The following UBR2 variants were observed in gnomAD, a reference collection of about 807,000 sequenced individuals.
The protein encoded by UBR2 is ubiquitin protein ligase E3 component n-recognin 2, also known as E3 ubiquitin-protein ligase UBR2.
A neutral mutation model predicts 247.9 loss-of-function variants in UBR2; 92 were observed. The ratio of observed to expected loss-of-function variants is 0.37; its 90% confidence interval spans 0.31 to 0.44. The LOEUF is 0.44. Among genes scored for constraint, UBR2 ranks in the 20% least tolerant of loss-of-function variants. The pLI is 1.00. For synonymous variants in UBR2, 672 were observed against 693.5 expected, an observed-to-expected ratio of 0.97 and a Z score of 0.49; for missense variants, 1,613 against 2,112.6, an observed-to-expected ratio of 0.76 and a Z score of 4.64.
intron 11 of UBR2, among the ~76,000 whole-genome samples, chr6:42,625,313 A>G (rs1333567605): frequency 6.6e-6 from 1 of 152,110 alleles, no homozygotes; most frequent in Non-Finnish European, 1.5e-5. Context: ...TAAATTTCCA[A>G]TTACATTGAT....
At chr6:42,665,162 C>T (rs1798034625) in intron 32 of UBR2, among the ~76,000 whole-genome samples, 1 of 152,096 alleles carries the variant, frequency 6.6e-6, no homozygotes, top group South Asian at 2.1e-4. Context: ...TTAAGAAATT[C>T]TAGCAAATTC....
chr6:42,597,270 C>A (rs965648099), intron 4 of UBR2, among the ~76,000 whole-genome samples: 1 of 152,098 alleles, frequency 6.6e-6, no homozygotes. Flanking sequence ...AAGAATAAAG[C>A]CTTCCAAACT....
In UBR2 at chr6:42,635,426, T is replaced by G; in HGVS notation, c.1554T>G (p.Asp518Glu). The part of the protein sequence containing the change: ...LELLKCMQGM[D>E]PITRQVGQHI... ...TTTTCACTTCCGTTAAGGGAATGGA[T>G]CCAATTACACGTCAAGTAGGACAAC... The change falls in exon 14 of 47, where the codon GAT (aspartate) becomes GAG (glutamate). Residue 518 changes from aspartate (D) to glutamate (E), a missense_variant. By Grantham distance (45) the Asp-to-Glu change is conservative. Around this residue, in one of 3 missense-constraint regions of UBR2, gnomAD observed 1,524 missense variants for 1,967.3 expected, o/e 0.77. Coordinates refer to ENST00000372901, the MANE Select transcript of UBR2 (RefSeq NM_001363705.2). The G allele has an allele frequency of 1.9e-6, 3 of 1,613,464 alleles. No homozygotes were observed. The highest frequency in any genetic ancestry group is 2.5e-6 in the Non-Finnish European group (3 of 1,179,638).
intron 26 of UBR2, 49 bp from the exon 27 acceptor site, chr6:42,657,974 AC>A (rs1562367802): frequency 2.2e-6 from 3 of 1,363,024 alleles, no homozygotes; most frequent in East Asian, 4.6e-5. Context: ...AGGAATAAGT[AC>A]TATGAAGTAT....
intron 15 of UBR2, among the ~76,000 whole-genome samples, chr6:42,638,540 A>G (rs1479367084): frequency 6.6e-6 from 1 of 152,218 alleles, no homozygotes; most frequent in African/African-American, 2.4e-5. Context: ...GAATGAAATC[A>G]TGATCGTAAG....
At chr6:42,657,391 A>AGTAT (rs1162524025) in intron 26 of UBR2, among the ~76,000 whole-genome samples, 4 of 152,296 alleles carry the variant, frequency 2.6e-5, no homozygotes, top group South Asian at 2.1e-4. Flanking sequence ...CCTTATCTAG[A>AGTAT]GTCACATCTC....
chr6:42,678,480 T>G lies in UBR2; in HGVS notation c.4479-59T>G, dbSNP rs1031017953. The G allele has an allele frequency of 1.4e-5, 22 of 1,561,622 alleles. No individual in the cohort carries two copies. In the African/African-American group the frequency reaches 3.0e-4, roughly 22 times the overall value. Reference sequence around the variant, plus strand: ...ATGACAGTCAAGTCTGTTTTCACACTATAAGTACAGTGACCTTTTCTTAGT... The same window carrying G: ...ATGACAGTCAAGTCTGTTTTCACACGATAAGTACAGTGACCTTTTCTTAGT... On this transcript the variant is annotated intron_variant, in intron 40 of 46. Coordinates refer to ENST00000372901, the MANE Select transcript of UBR2 (RefSeq NM_001363705.2).
chr6:42,621,927 G>A (rs1393594687), intron 11 of UBR2, among the ~76,000 whole-genome samples: 1 of 152,128 alleles, frequency 6.6e-6, no homozygotes, highest in Non-Finnish European at 1.5e-5. Flanking sequence ...CTTCTGCCCT[G>A]TGAACTTGAT....
intron 25 of UBR2, among the ~76,000 whole-genome samples, chr6:42,653,107 G>A (rs1457141589): frequency 6.6e-6 from 1 of 152,108 alleles, no homozygotes; most frequent in Non-Finnish European, 1.5e-5. Flanking sequence ...TTTGAGACAG[G>A]ATCTAGCTTT....
At chr6:42,684,590 A>C (rs961412684) in intron 43 of UBR2, among the ~76,000 whole-genome samples, 2 of 151,914 alleles carry the variant, frequency 1.3e-5, no homozygotes, top group Non-Finnish European at 2.9e-5. Context: ...CTCAAAAAAA[A>C]AACAAAAAAC....
intron 8 of UBR2, among the ~76,000 whole-genome samples, chr6:42,614,200 A>T (rs1233075611): frequency 0.027 from 1,318 of 48,632 alleles, 118 homozygotes; most frequent in Non-Finnish European, 0.038. Context: ...AAAAAAAAAA[A>T]AAAAACTATA....
At position 42,619,946 on chromosome 6, in the gene UBR2, A is replaced by G. The variant is rs999325762; in HGVS notation, c.1281+2439A>G. On this transcript the variant is annotated intron_variant, in intron 11 of 46. Coordinates refer to ENST00000372901, the MANE Select transcript of UBR2 (RefSeq NM_001363705.2). ...TTTTTGATGCTGTAGTAAACTTTTT[A>G]TATTTTTGATGCTGTAGTAAACTTT... The G allele has an allele frequency of 2.7e-5, 24 of 883,256 alleles. No homozygotes were observed. The African/African-American group carries it at 4.2e-4, about 15-fold the overall frequency. The allele number at this position is 883,256 out of a possible 1,614,324, so 54.7% of individuals were successfully genotyped here. A position where few individuals can be genotyped will look rare whatever the true frequency, so the allele number is the denominator to read the frequency against.
Position 42,666,152 on chromosome 6 carries a change from T to TTATA in UBR2, c.3803-15_3803-14insTATA. Reference sequence around the variant, plus strand: ...TCATCTATTGAATAATAGTATAAAATGCCTGTTTCTATAGATAATGCCTCT... The same window carrying TTATA: ...TCATCTATTGAATAATAGTATAAAATTATAGCCTGTTTCTATAGATAATGCCTCT... On this transcript the variant is annotated splice_polypyrimidine_tract_variant and intron_variant, in intron 33 of 46. Coordinates refer to ENST00000372901, the MANE Select transcript of UBR2 (RefSeq NM_001363705.2). The TTATA allele has an allele frequency of 6.3e-7, 1 of 1,599,750 alleles. No individual in the cohort carries two copies. Among genetic ancestry groups the TTATA allele is most frequent in the Non-Finnish European group, 8.5e-7 (1 of 1,170,424 alleles).
chr6:42,610,341 A>G (rs1288228141), intron 7 of UBR2, among the ~76,000 whole-genome samples: 1 of 152,238 alleles, frequency 6.6e-6, no homozygotes, highest in Non-Finnish European at 1.5e-5. Context: ...CTAGGTATAT[A>G]TGCAAAATAA....
intron 3 of UBR2, among the ~76,000 whole-genome samples, chr6:42,592,793 A>G (rs1219773398): frequency 6.6e-6 from 1 of 152,200 alleles, no homozygotes; most frequent in Non-Finnish European, 1.5e-5. Flanking sequence ...TTTTAATATT[A>G]TTCTTAATTC....
At chr6:42,680,808 C>G (rs1798995592) in intron 42 of UBR2, among the ~76,000 whole-genome samples, 1 of 152,210 alleles carries the variant, frequency 6.6e-6, no homozygotes, top group African/African-American at 2.4e-5. Flanking sequence ...GTGGCTCACC[C>G]CTGTAATCCC....
chr6:42,591,312 A>G (rs1479301575), intron 2 of UBR2, among the ~76,000 whole-genome samples: 2 of 152,210 alleles, frequency 1.3e-5, no homozygotes, highest in Non-Finnish European at 2.9e-5. Context: ...ATTTTAGCCC[A>G]TCTACTAGCA....
At chr6:42,639,117 C>T (rs948201420) in intron 15 of UBR2, among the ~76,000 whole-genome samples, 1 of 152,104 alleles carries the variant, frequency 6.6e-6, no homozygotes, top group African/African-American at 2.4e-5. Flanking sequence ...AAATGTTGAG[C>T]ATTTACAACA....
At position 42,668,232 on chromosome 6, in the gene UBR2, T is replaced by C. The variant is rs568456684; in HGVS notation, c.3882-1860T>C. 8.3e-4 allele frequency among the ~76,000 whole-genome samples: 126 copies of C among 152,340 alleles called. 1 individual carries two copies. Among genetic ancestry groups the C allele is most frequent in the African/African-American group, 2.9e-3 (119 of 41,572 alleles). ...GAGTATCTTCCTCTTTCTTAAGTAC[T>C]TGACTCTTTTTGCAGATTCCTAAGA... On this transcript the variant is annotated intron_variant, in intron 34 of 46. Coordinates refer to ENST00000372901, the MANE Select transcript of UBR2 (RefSeq NM_001363705.2).
Sources: allele counts gnomAD v4.1 joint callset (sites outside exome capture counted in the v4.1 genomes callset), GRCh38; gene constraint gnomAD v4.1.1; regional missense constraint gnomAD v4.1.1; transcripts MANE v1.5; gene names NCBI Gene and HGNC (gene_info 2026-07-23, HGNC 2026-07-21).